Variants in MAF observed in about 807,000 individuals in gnomAD.
The protein encoded by MAF is transcription factor Maf.
MAF carries 10 observed loss-of-function variants against 22.0 expected under a neutral mutation model. The ratio of observed to expected loss-of-function variants is 0.45; its 90% CI spans 0.28 to 0.77. MAF has a LOEUF of 0.77. Ranked by LOEUF, MAF falls within the 30% of genes least tolerant of loss-of-function variation. MAF has a pLI of 0.12. For missense variants in MAF, 544 were observed against 548.4 expected (o/e 0.99, Z 0.08); for synonymous variants, 337 against 255.8 (o/e 1.32, Z -3.03).
chr16:79,552,564 G>A, the MAF span, among the ~76,000 whole-genome samples: 2 of 152,118 alleles, frequency 1.3e-5, no homozygotes, highest in African/African-American at 4.8e-5. Context: ...CTTTTCGTAA[G>A]TCTCATTTTA....
the MAF span, among the ~76,000 whole-genome samples, chr16:79,412,929 A>C: frequency 1.3e-5 from 2 of 152,212 alleles, no homozygotes; most frequent in African/African-American, 4.8e-5. Flanking sequence ...GTAGGTATGT[A>C]AATAGGGGAT....
the MAF span, among the ~76,000 whole-genome samples, chr16:79,347,552 T>C: frequency 1.3e-5 from 2 of 152,138 alleles, no homozygotes; most frequent in African/African-American, 4.8e-5. Context: ...CTCCCTATTA[T>C]CGAGAAAAGT....
At chr16:79,323,147 TAAAAAAAAAAAAAAAAAAAAAA>T in the MAF span, among the ~76,000 whole-genome samples, 3,472 of 19,892 alleles carry the variant, frequency 0.17, 255 homozygotes, top group African/African-American at 0.36. Context: ...AGACTCCATC[TAAAAAAAAAAAAAAAAAAAAAA>T]AAAAAAAAAA....
the MAF span, among the ~76,000 whole-genome samples, chr16:79,334,299 T>C: frequency 2.0e-5 from 3 of 152,222 alleles, no homozygotes; most frequent in East Asian, 5.8e-4. Flanking sequence ...TGCAAAAACA[T>C]GGTCAAAGCG....
the MAF span, among the ~76,000 whole-genome samples, chr16:79,403,593 C>G: frequency 8.2e-3 from 1,242 of 152,294 alleles, 16 homozygotes; most frequent in African/African-American, 0.028. Flanking sequence ...CACATTCAAG[C>G]TCTGCCAGGG....
At chr16:79,396,630 G>C in the MAF span, among the ~76,000 whole-genome samples, 1 of 152,234 alleles carries the variant, frequency 6.6e-6, no homozygotes, top group East Asian at 1.9e-4. Flanking sequence ...TTTAAAATGG[G>C]TCAATAATAG....
the MAF span, among the ~76,000 whole-genome samples, chr16:79,296,900 T>A: frequency 6.6e-6 from 1 of 152,216 alleles, no homozygotes; most frequent in African/African-American, 2.4e-5. Flanking sequence ...AATGCCCTGG[T>A]GGGTGGACTC....
At chr16:79,576,121 G>C in the MAF span, among the ~76,000 whole-genome samples, 1 of 149,988 alleles carries the variant, frequency 6.7e-6, no homozygotes, top group Non-Finnish European at 1.5e-5. Flanking sequence ...CAATGGAATT[G>C]TATCACTGCT....
the MAF span, among the ~76,000 whole-genome samples, chr16:79,310,153 G>A: frequency 1.3e-5 from 2 of 152,152 alleles, no homozygotes; most frequent in African/African-American, 4.8e-5. Flanking sequence ...CAATCTTAGT[G>A]TCATTGGCAC....
the MAF span, among the ~76,000 whole-genome samples, chr16:79,451,322 G>T: frequency 6.6e-6 from 1 of 152,196 alleles, no homozygotes; most frequent in East Asian, 1.9e-4. Context: ...TCCACAGGAG[G>T]CTAATAGGAC....
the MAF span, among the ~76,000 whole-genome samples, chr16:79,237,178 C>T: frequency 6.6e-6 from 1 of 151,876 alleles, no homozygotes. Context: ...TTTAAAAAAC[C>T]CTCATAATCC....
the MAF span, among the ~76,000 whole-genome samples, chr16:79,508,313 C>T: frequency 1.3e-5 from 2 of 152,100 alleles, no homozygotes; most frequent in Admixed American, 6.6e-5. Context: ...GGGGAGTGTT[C>T]GCAGGAGGTA....
the MAF span, among the ~76,000 whole-genome samples, chr16:79,364,429 C>G: frequency 6.6e-6 from 1 of 152,136 alleles, no homozygotes; most frequent in Non-Finnish European, 1.5e-5. Flanking sequence ...AGAAGATGCT[C>G]CAGCCAGGCT....
chr16:79,279,564 G>A, the MAF span, among the ~76,000 whole-genome samples: 1 of 152,124 alleles, frequency 6.6e-6, no homozygotes, highest in African/African-American at 2.4e-5. Context: ...TGGGCTGCAG[G>A]ATGACGAAGC....
the MAF span, among the ~76,000 whole-genome samples, chr16:79,481,541 C>T: frequency 6.6e-6 from 1 of 152,050 alleles, no homozygotes; most frequent in South Asian, 2.1e-4. Flanking sequence ...ATTCATCCAC[C>T]CATTGACTAC....
chr16:79,209,452 C>G, the MAF span, among the ~76,000 whole-genome samples: 1 of 152,184 alleles, frequency 6.6e-6, no homozygotes, highest in Non-Finnish European at 1.5e-5. Context: ...CTTGGCAGAA[C>G]AGTGAAAGGC....
At chr16:79,240,364 C>T in the MAF span, among the ~76,000 whole-genome samples, 37 of 151,314 alleles carry the variant, frequency 2.4e-4, no homozygotes, top group Admixed American at 8.6e-4. Context: ...AACTCCTCAT[C>T]CCACTCCCAA....
the MAF span, among the ~76,000 whole-genome samples, chr16:79,463,881 G>A: frequency 0.018 from 2,665 of 150,996 alleles, 88 homozygotes; most frequent in African/African-American, 0.061. Context: ...GTTCTTTGAT[G>A]CACCATCCCA....
chr16:79,313,152 T>C, the MAF span, among the ~76,000 whole-genome samples: 1 of 152,126 alleles, frequency 6.6e-6, no homozygotes, highest in Non-Finnish European at 1.5e-5. Flanking sequence ...TCGAATGCCA[T>C]GTCTGGGAAG....
Sources: gnomAD v4.1 joint callset for allele counts (sites outside exome capture counted in the v4.1 genomes callset) on GRCh38, gnomAD v4.1.1 for gene constraint, MANE v1.5 for transcripts, NCBI Gene and HGNC (gene_info 2026-07-23, HGNC 2026-07-21) for gene names.